Variants in FAM169A observed in about 807,000 individuals in gnomAD.
FAM169A encodes the protein family with sequence similarity 169 member A.
A neutral mutation model predicts 75.7 loss-of-function variants in FAM169A; 24 were observed. The observed-to-expected ratio is 0.32, with a 90% CI of 0.23 to 0.45. FAM169A has a LOEUF of 0.45. Ranked by LOEUF, FAM169A falls within the 20% of genes least tolerant of loss-of-function variation. FAM169A has a pLI of 1.00. For missense variants in FAM169A, 673 were observed against 784.0 expected, an observed-to-expected ratio of 0.86 and a Z score of 1.69; for synonymous variants, 271 against 271.0, an observed-to-expected ratio of 1.00 and a Z score of 0.00.
At position 74,793,600 on chromosome 5, in the gene FAM169A, G is replaced by A. The variant is rs1405478023; in HGVS notation, c.1260+2430C>T. On this transcript the variant is annotated intron_variant, in intron 11 of 12. Coordinates refer to ENST00000687041, the MANE Select transcript of FAM169A (RefSeq NM_001376049.1). Reference sequence around the variant, plus strand: ...TGAGGGATAAAAGACTACACGTTGGGTACAGTATACACTGCTTGGATGATG... The same window carrying A: ...TGAGGGATAAAAGACTACACGTTGGATACAGTATACACTGCTTGGATGATG... Among the ~76,000 whole-genome samples the A allele has an allele frequency of 7.2e-5, 11 of 152,192 alleles. No homozygotes were observed. The South Asian group carries it at 2.3e-3, about 32-fold the overall frequency.
intron 11 of FAM169A, among the ~76,000 whole-genome samples, chr5:74,790,837 G>A (rs2112485865): frequency 6.6e-6 from 1 of 152,334 alleles, no homozygotes; most frequent in South Asian, 2.1e-4. Context: ...AGTCCTTGGG[G>A]TGATCAGACA....
intron 12 of FAM169A, 67 bp downstream of exon 12, chr5:74,782,864 G>A: frequency 8.7e-7 from 1 of 1,148,180 alleles, no homozygotes; most frequent in Non-Finnish European, 1.3e-6. Flanking sequence ...TATATACCAT[G>A]CACCCTCCTC....
intron 12 of FAM169A, among the ~76,000 whole-genome samples, chr5:74,782,515 CAAAATT>C (rs1745464449): frequency 2.0e-5 from 3 of 152,128 alleles, no homozygotes; most frequent in African/African-American, 7.2e-5. Context: ...TCAAAAGTAA[CAAAATT>C]AAATTTCTTT....
intron 11 of FAM169A, among the ~76,000 whole-genome samples, chr5:74,789,679 T>C (rs947669624): frequency 4.6e-5 from 7 of 152,304 alleles, no homozygotes; most frequent in South Asian, 2.1e-4. Context: ...CAGGCCCCCA[T>C]AGGTGAATCA....
chr5:74,846,352 C>CT (rs1212825687), intron 1 of FAM169A, among the ~76,000 whole-genome samples: 1 of 152,018 alleles, frequency 6.6e-6, no homozygotes, highest in Non-Finnish European at 1.5e-5. Flanking sequence ...GCCAGAAACT[C>CT]TGTCTATAAA....
At chr5:74,846,124 T>C (rs185092552) in intron 1 of FAM169A, among the ~76,000 whole-genome samples, 38 of 152,336 alleles carry the variant, frequency 2.5e-4, no homozygotes, top group Non-Finnish European at 5.0e-4. Context: ...CAAAGACTCA[T>C]ACATACAAGT....
Position 74,838,974 on chromosome 5 carries a change from C to T in FAM169A, c.309G>A (p.Gly103=), listed in dbSNP as rs749220659. Residue 103 remains glycine, a synonymous_variant, in exon 4 of 13, where the codon GGG becomes GGA. Coordinates refer to ENST00000687041, the MANE Select transcript of FAM169A (RefSeq NM_001376049.1). The part of the protein sequence containing the change: ...IVKTSVPSRE[G]LKQVSTLGER... ...TAGAGGATCTTGTTACCTGCTTAAG[C>T]CCCTCTCTTGAAGGAACAGATGTTT... is the stretch of plus-strand genomic sequence containing the variant. 1.2e-6 allele frequency: 2 copies of T among 1,611,634 alleles called. No homozygotes were observed. The highest frequency in any genetic ancestry group is 1.7e-5 in the Admixed American group (1 of 59,994).
At chr5:74,792,103 A>C (rs908097659) in intron 11 of FAM169A, among the ~76,000 whole-genome samples, 2 of 152,130 alleles carry the variant, frequency 1.3e-5, no homozygotes, top group Non-Finnish European at 2.9e-5. Context: ...CAGTTGTATT[A>C]TGTTAGGCAT....
intron 1 of FAM169A, among the ~76,000 whole-genome samples, chr5:74,850,362 A>G (rs1749379185): frequency 6.6e-6 from 1 of 152,196 alleles, no homozygotes; most frequent in Non-Finnish European, 1.5e-5. Flanking sequence ...ATGTCAGGGG[A>G]AGTGTTCCAA....
intron 5 of FAM169A, among the ~76,000 whole-genome samples, chr5:74,833,432 C>T (rs1431121254): frequency 1.3e-5 from 2 of 152,090 alleles, no homozygotes; most frequent in Non-Finnish European, 2.9e-5. Context: ...ATAAAGGGCA[C>T]CCAAAGTATT....
intron 11 of FAM169A, among the ~76,000 whole-genome samples, chr5:74,794,403 A>G (rs1404314821): frequency 6.7e-6 from 1 of 148,896 alleles, no homozygotes; most frequent in Non-Finnish European, 1.5e-5. Flanking sequence ...CAAAAAAAAA[A>G]AGAAATATTA....
chr5:74,783,495 C>T (rs1441335876), intron 11 of FAM169A, among the ~76,000 whole-genome samples: 2 of 152,180 alleles, frequency 1.3e-5, no homozygotes, highest in Non-Finnish European at 2.9e-5. Context: ...AGGAAAAAGG[C>T]ACCAGACAGA....
Position 74,781,391 on chromosome 5 carries a change from A to T in FAM169A, c.*69T>A. ...TGTCCTGTGCCCCATGCTGTTTATTAATTACCATATTTTAAAAACAACAAC... is the reference window on the plus strand; with the variant it reads ...TGTCCTGTGCCCCATGCTGTTTATTTATTACCATATTTTAAAAACAACAAC... On this transcript the variant is annotated 3_prime_UTR_variant, in exon 13 of 13. Coordinates refer to ENST00000687041, the MANE Select transcript of FAM169A (RefSeq NM_001376049.1). 6.8e-7 allele frequency: 1 copy of T among 1,460,276 alleles called. No individual in the cohort carries two copies. Among genetic ancestry groups the T allele is most frequent in the Non-Finnish European group, 9.3e-7 (1 of 1,072,250 alleles). 90.5% of individuals were successfully genotyped at this position (1,460,276 alleles called of 1,614,324 possible). A position where few individuals can be genotyped will look rare whatever the true frequency, so the allele number is the denominator to read the frequency against.
At chr5:74,854,368 C>A (rs1749598624) in intron 1 of FAM169A, among the ~76,000 whole-genome samples, 1 of 151,704 alleles carries the variant, frequency 6.6e-6, no homozygotes, top group African/African-American at 2.4e-5. Context: ...GCACTCCAGC[C>A]TGGGTGACAC....
At chr5:74,817,014 A>G (rs1166046711) in intron 5 of FAM169A, among the ~76,000 whole-genome samples, 1 of 152,106 alleles carries the variant, frequency 6.6e-6, no homozygotes, top group Non-Finnish European at 1.5e-5. Context: ...GCATTTGACA[A>G]AACCCAACCT....
chr5:74,837,483 A>G (rs1388956365), intron 4 of FAM169A, among the ~76,000 whole-genome samples: 1 of 152,188 alleles, frequency 6.6e-6, no homozygotes, highest in African/African-American at 2.4e-5. Context: ...TAATAATACT[A>G]AGTGCATTAT....
chr5:74,815,862 A>G (rs1351801769), intron 5 of FAM169A, among the ~76,000 whole-genome samples: 1 of 152,220 alleles, frequency 6.6e-6, no homozygotes, highest in African/African-American at 2.4e-5. Context: ...CAACATCAGG[A>G]AGTTACCCAA....
intron 1 of FAM169A, among the ~76,000 whole-genome samples, chr5:74,854,521 T>C (rs1749611022): frequency 6.6e-6 from 1 of 152,216 alleles, no homozygotes; most frequent in African/African-American, 2.4e-5. Flanking sequence ...ATCATCACAC[T>C]GTTGAGCTGT....
chr5:74,799,218 T>C (rs574392708), intron 10 of FAM169A: 4 of 1,341,614 alleles, frequency 3.0e-6, no homozygotes, highest in Non-Finnish European at 4.3e-6. Context: ...CAGACCACAA[T>C]GCCTATGTCT....
Sources: gnomAD v4.1 joint callset for allele counts (sites outside exome capture counted in the v4.1 genomes callset) on GRCh38, gnomAD v4.1.1 for gene constraint, MANE v1.5 for transcripts, NCBI Gene and HGNC (gene_info 2026-07-23, HGNC 2026-07-21) for gene names.